The following TRAF2 variants were observed in gnomAD, a reference collection of about 807,000 sequenced individuals.
TRAF2 encodes the protein TNF receptor-associated factor 2.
TRAF2 carries 6 observed loss-of-function variants against 55.6 expected under a neutral mutation model. The ratio of observed to expected loss-of-function variants is 0.11; its 90% CI spans 0.06 to 0.21. The LOEUF is 0.21. Among genes scored for constraint, TRAF2 ranks in the 10% least tolerant of loss-of-function variants. TRAF2 has a pLI of 1.00. For synonymous variants in TRAF2, 329 were observed against 276.3 expected (o/e 1.19, Z -1.89); for missense variants, 561 against 684.5 (o/e 0.82, Z 2.01).
At chr9:136,882,690 C>T, upstream of TRAF2, 1 of 985,198 alleles carries the variant, frequency 1.0e-6, no homozygotes, top group South Asian at 4.7e-5. Context: ...TGGGAATCCC[C>T]TGAGCTGCGC....
intron 1 of TRAF2, among the ~76,000 whole-genome samples, chr9:136,889,130 G>C (rs892290034): frequency 6.6e-6 from 1 of 152,090 alleles, no homozygotes; most frequent in Admixed American, 6.6e-5. Context: ...CAGAGTGCTG[G>C]GATTACAGGT....
At chr9:136,905,550 C>T (rs972751487) in intron 4 of TRAF2, among the ~76,000 whole-genome samples, 1 of 152,158 alleles carries the variant, frequency 6.6e-6, no homozygotes, top group Non-Finnish European at 1.5e-5. Flanking sequence ...GTGAAATGTA[C>T]TTAATACCAC....
intron 1 of TRAF2, among the ~76,000 whole-genome samples, chr9:136,887,199 C>T (rs576892285): frequency 1.3e-5 from 2 of 152,024 alleles, no homozygotes; most frequent in Admixed American, 6.5e-5. Context: ...TGCGGTGGAC[C>T]GGGCCGGGAT....
chr9:136,921,444 C>T (rs942171392), intron 9 of TRAF2, among the ~76,000 whole-genome samples: 33 of 152,276 alleles, frequency 2.2e-4, no homozygotes, highest in African/African-American at 7.9e-4. Flanking sequence ...GGCCGGCTGC[C>T]CTCCTGCCGT....
At chr9:136,901,803 G>C (rs986780815) in intron 4 of TRAF2, 2 of 152,220 alleles carry the variant, frequency 1.3e-5, no homozygotes, top group Non-Finnish European at 2.9e-5. Context: ...GGTTGGAATT[G>C]GACCTGCATT....
At chr9:136,889,097 G>T (rs1044849768) in intron 1 of TRAF2, among the ~76,000 whole-genome samples, 1 of 152,102 alleles carries the variant, frequency 6.6e-6, no homozygotes, top group Admixed American at 6.5e-5. Flanking sequence ...ATCTGATCTC[G>T]TGATCCGCCC....
chr9:136,919,078 G>A (rs1012149808), intron 7 of TRAF2, among the ~76,000 whole-genome samples: 39 of 16,990 alleles, frequency 2.3e-3, no homozygotes, highest in Admixed American at 4.9e-3. Flanking sequence ...ATTTATTTTC[G>A]AAACAGAGTC....
chr9:136,886,526 G>T lies in TRAF2; in HGVS notation c.-44G>T, dbSNP rs1001187615. 511 of 988,876 alleles carry T rather than the reference G, an allele frequency of 5.2e-4. 2 individuals carry two copies. The African/African-American group carries it at 8.5e-3, about 16-fold the overall frequency. 61.3% of individuals were successfully genotyped at this position (988,876 alleles called of 1,614,324 possible). ...GCTGGGCGGGCCCTTAGTTCCGGGC[G>T]CGCTGCGACCGTTGGGTGAGGCGAG... On this transcript the variant is annotated 5_prime_UTR_variant, in exon 1 of 11. Coordinates refer to ENST00000247668, the MANE Select transcript of TRAF2 (RefSeq NM_021138.4).
intron 10 of TRAF2, among the ~76,000 whole-genome samples, chr9:136,924,275 C>G (rs1198427192): frequency 2.0e-5 from 3 of 152,056 alleles, no homozygotes; most frequent in Admixed American, 2.0e-4. Flanking sequence ...AAGCACAAGG[C>G]CGAGTGGGCG....
chr9:136,916,506 G>A, intron 6 of TRAF2, 35 bp from the exon 7 acceptor site: 1 of 1,609,304 alleles, frequency 6.2e-7, no homozygotes, highest in Non-Finnish European at 8.5e-7. Context: ...CATCAGAACA[G>A]AGAAAGATGG....
chr9:136,920,913 A>C, intron 8 of TRAF2, 125 bp from the exon 9 acceptor site: 1 of 1,188,184 alleles, frequency 8.4e-7, no homozygotes, highest in Non-Finnish European at 1.2e-6. Context: ...GGGAGTGGAC[A>C]TGAGAAACAT....
chr9:136,921,215 G>A lies in TRAF2; in HGVS notation c.1138G>A (p.Ala380Thr). The change falls in exon 9 of 11, where the codon GCC becomes ACC. Residue 380 changes from alanine (A) to threonine (T), a missense_variant and splice_region_variant. Transcript: ENST00000247668. ...AGRIPAIFSP[A>T]FYTSRYGYKM... The stretch of plus-strand genomic sequence containing the variant: ...CCGCATACCCGCCATCTTCTCCCCA[G>A]GTGTGGTTCTAGGACCCCCACCTCA... The A allele has an allele frequency of 6.2e-7, 1 of 1,613,678 alleles. No homozygotes were observed. Among genetic ancestry groups the A allele is most frequent in the Non-Finnish European group, 8.5e-7 (1 of 1,179,996 alleles).
chr9:136,910,376 G>T (rs1724586871), intron 6 of TRAF2, among the ~76,000 whole-genome samples: 2 of 152,216 alleles, frequency 1.3e-5, no homozygotes, highest in Admixed American at 1.3e-4. Flanking sequence ...TGGAGACTGG[G>T]CGCCCTAGTC....
At chr9:136,902,675 C>G (rs1381222881) in intron 4 of TRAF2, among the ~76,000 whole-genome samples, 1 of 152,152 alleles carries the variant, frequency 6.6e-6, no homozygotes, top group Non-Finnish European at 1.5e-5. Flanking sequence ...TGGCTGTGGC[C>G]TTTGATTTTG....
At chr9:136,899,272 CAGCG>C (rs1297543930) in intron 2 of TRAF2, among the ~76,000 whole-genome samples, 2 of 152,208 alleles carry the variant, frequency 1.3e-5, no homozygotes, top group Non-Finnish European at 2.9e-5. Context: ...GCCTTCCTTG[CAGCG>C]AGTGGTCTGA....
chr9:136,914,239 G>A (rs552978581), intron 6 of TRAF2, among the ~76,000 whole-genome samples: 4 of 152,306 alleles, frequency 2.6e-5, no homozygotes, highest in African/African-American at 7.2e-5. Context: ...CGGCCCTGCC[G>A]TGGGCAGCCT....
intron 6 of TRAF2, among the ~76,000 whole-genome samples, chr9:136,916,226 T>G (rs900708817): frequency 6.6e-6 from 1 of 152,106 alleles, no homozygotes; most frequent in Non-Finnish European, 1.5e-5. Context: ...CCCTGAGGCC[T>G]CAGCACCGCA....
chr9:136,894,672 T>C (rs563805914), intron 1 of TRAF2, among the ~76,000 whole-genome samples: 1 of 152,106 alleles, frequency 6.6e-6, no homozygotes, highest in African/African-American at 2.4e-5. Context: ...AGGATGTTCC[T>C]AGGGAGCCCT....
chr9:136,923,774 G>A, intron 9 of TRAF2, 78 bp from the exon 10 acceptor site: 1 of 1,498,730 alleles, frequency 6.7e-7, no homozygotes, highest in South Asian at 1.2e-5. Context: ...GTCCCTGGGG[G>A]AGGGCAGCCA....
Sources: gnomAD v4.1 joint callset for allele counts (sites outside exome capture counted in the v4.1 genomes callset) on GRCh38, gnomAD v4.1.1 for gene constraint, MANE v1.5 for transcripts, NCBI Gene and HGNC (gene_info 2026-07-23, HGNC 2026-07-21) for gene names.